Variants in RNF111 observed in about 807,000 individuals in gnomAD.
RNF111 encodes E3 ubiquitin-protein ligase Arkadia.
A neutral mutation model predicts 95.1 loss-of-function variants in RNF111; 17 were observed. The ratio of observed to expected loss-of-function variants is 0.18; its 90% CI spans 0.12 to 0.27. RNF111 has a LOEUF of 0.27. Ranked by LOEUF, RNF111 falls within the 10% of genes least tolerant of loss-of-function variation. The probability of loss-of-function intolerance (pLI) is 1.00; values close to 1 mark genes in which losing one functional copy is unlikely to be tolerated. For synonymous variants in RNF111, 440 were observed against 414.8 expected, an observed-to-expected ratio of 1.06 and a Z score of -0.74; for missense variants, 1,189 against 1,210.4, an observed-to-expected ratio of 0.98 and a Z score of 0.26.
chr15:59,071,534 A>G (rs1224610110), intron 6 of RNF111, among the ~76,000 whole-genome samples: 1 of 151,870 alleles, frequency 6.6e-6, no homozygotes, highest in Non-Finnish European at 1.5e-5. Context: ...ACGAAACAAA[A>G]AAACAAAAAT....
In RNF111 at chr15:59,084,076, A is replaced by G. The variant is rs1248492850; in HGVS notation, c.2298-53A>G. On this transcript the variant is annotated intron_variant, in intron 8 of 13. Transcript: ENST00000348370. ...ATTTTTTTCTACATTAAGAAAAGAA[A>G]TAACCAATTATTCAATTATTTCCAG... The G allele has an allele frequency of 4.6e-6, 7 of 1,506,964 alleles. No homozygotes were observed. In the African/African-American group the frequency reaches 7.0e-5, roughly 15 times the overall value. 93.3% of individuals were successfully genotyped at this position (1,506,964 alleles called of 1,614,324 possible).
intron 10 of RNF111, among the ~76,000 whole-genome samples, chr15:59,086,067 G>T (rs1465052158): frequency 6.6e-6 from 1 of 152,042 alleles, no homozygotes; most frequent in African/African-American, 2.4e-5. Context: ...CTGTGCTTCA[G>T]TTATTTTGCC....
chr15:59,062,481 A>G (rs2042482622), intron 5 of RNF111, among the ~76,000 whole-genome samples: 1 of 152,128 alleles, frequency 6.6e-6, no homozygotes, highest in Non-Finnish European at 1.5e-5. Flanking sequence ...CCTACATGAT[A>G]TCTTATATAT....
intron 6 of RNF111, 150 bp from the exon 7 acceptor site, chr15:59,075,804 G>A: frequency 1.3e-6 from 1 of 773,772 alleles, no homozygotes; most frequent in Non-Finnish European, 2.0e-6. Context: ...TTTTGTTGGT[G>A]CTCACTGGTT....
At chr15:59,089,302 A>G (rs1486487950) in intron 10 of RNF111, among the ~76,000 whole-genome samples, 1 of 152,220 alleles carries the variant, frequency 6.6e-6, no homozygotes, top group Non-Finnish European at 1.5e-5. Context: ...TAGGAAGCTT[A>G]ACAGAAGTGA....
At chr15:59,091,721 C>T (rs937508120) in intron 12 of RNF111, among the ~76,000 whole-genome samples, 6 of 152,144 alleles carry the variant, frequency 3.9e-5, no homozygotes, top group African/African-American at 1.4e-4. Context: ...CCAACGGTCC[C>T]CAACCTTTTT....
At chr15:59,029,041 A>G (rs1411358107) in intron 1 of RNF111, among the ~76,000 whole-genome samples, 2 of 152,118 alleles carry the variant, frequency 1.3e-5, no homozygotes, top group Non-Finnish European at 2.9e-5. Flanking sequence ...TGGCCTCCCA[A>G]AGTGGTGGGA....
chr15:59,007,185 C>G (rs1468434311), intron 1 of RNF111, among the ~76,000 whole-genome samples: 1 of 152,080 alleles, frequency 6.6e-6, no homozygotes, highest in Middle Eastern at 3.2e-3. Flanking sequence ...GTATTGAACA[C>G]GAACAACCAT....
intron 4 of RNF111, among the ~76,000 whole-genome samples, chr15:59,057,699 G>T (rs1424612594): frequency 2.6e-5 from 4 of 151,980 alleles, no homozygotes; most frequent in African/African-American, 9.7e-5. Context: ...ATTTTCTTTG[G>T]AAAACATATA....
intron 11 of RNF111, among the ~76,000 whole-genome samples, chr15:59,090,097 G>A (rs1465962463): frequency 2.6e-5 from 4 of 152,118 alleles, no homozygotes; most frequent in East Asian, 1.9e-4. Flanking sequence ...TAGAGAAATC[G>A]GTAGAGAAAA....
intron 1 of RNF111, among the ~76,000 whole-genome samples, chr15:59,017,617 G>C (rs1277006904): frequency 1.3e-5 from 2 of 152,168 alleles, no homozygotes; most frequent in African/African-American, 2.4e-5. Flanking sequence ...GAAACAGGAA[G>C]TTAAAATAAC....
intron 1 of RNF111, among the ~76,000 whole-genome samples, chr15:59,016,406 G>C (rs1198140799): frequency 6.6e-6 from 1 of 151,912 alleles, no homozygotes; most frequent in Non-Finnish European, 1.5e-5. Flanking sequence ...TTGACTTCGT[G>C]ATCTGCCCAC....
intron 1 of RNF111, among the ~76,000 whole-genome samples, chr15:59,028,108 G>T (rs1340491079): frequency 6.6e-6 from 1 of 152,030 alleles, no homozygotes; most frequent in African/African-American, 2.4e-5. Flanking sequence ...TTTGGCCACC[G>T]CGCCTGGCCA....
intron 1 of RNF111, among the ~76,000 whole-genome samples, chr15:59,028,743 G>C (rs1413938004): frequency 6.6e-6 from 1 of 151,320 alleles, no homozygotes; most frequent in Non-Finnish European, 1.5e-5. Context: ...ACATACCTAG[G>C]AGTGGAAATG....
intron 1 of RNF111, among the ~76,000 whole-genome samples, chr15:59,013,998 C>G (rs1195699412): frequency 6.6e-6 from 1 of 152,104 alleles, no homozygotes; most frequent in African/African-American, 2.4e-5. Context: ...ACTATATTGC[C>G]CAGGCTGGTC....
At chr15:59,067,190 C>A in intron 6 of RNF111, 107 bp downstream of exon 6, 1 of 979,672 alleles carries the variant, frequency 1.0e-6, no homozygotes, top group Non-Finnish European at 1.5e-6. Flanking sequence ...GTCTCTCTCC[C>A]TCCCTCCATT....
chr15:59,074,540 C>T (rs2043083352), intron 6 of RNF111, among the ~76,000 whole-genome samples: 1 of 152,214 alleles, frequency 6.6e-6, no homozygotes, highest in Non-Finnish European at 1.5e-5. Context: ...TCAGACTTTT[C>T]TTCTGCAGCC....
intron 5 of RNF111, among the ~76,000 whole-genome samples, chr15:59,062,644 G>A (rs1393640608): frequency 1.3e-5 from 2 of 152,152 alleles, no homozygotes; most frequent in African/African-American, 4.8e-5. Flanking sequence ...GTGTTGGCCG[G>A]TGGATTTGCC....
In RNF111 at chr15:59,023,712, T is replaced by C. The variant is rs540073709; in HGVS notation, c.-19-7092T>C. Among the ~76,000 whole-genome samples, 4 of 152,308 alleles carry C rather than the reference T, an allele frequency of 2.6e-5. No individual in the cohort carries two copies. The East Asian group carries it at 7.7e-4, about 29-fold the overall frequency. ...TTACTAGCCTTTCCAGAAGAATGTT[T>C]TATAACAGTGAATTCCTTTTTTTCT... On this transcript the variant is annotated intron_variant, in intron 1 of 13. Coordinates refer to ENST00000348370, the MANE Select transcript of RNF111 (RefSeq NM_017610.8).
Sources: allele counts gnomAD v4.1 joint callset (sites outside exome capture counted in the v4.1 genomes callset), GRCh38; gene constraint gnomAD v4.1.1; transcripts MANE v1.5; gene names NCBI Gene and HGNC (gene_info 2026-07-23, HGNC 2026-07-21).